The following ANO2 variants were observed in gnomAD, a reference collection of about 807,000 sequenced individuals.
The protein encoded by ANO2 is anoctamin 2.
Under a neutral mutation model 124.2 loss-of-function variants are expected in ANO2, and 101 were observed. The ratio of observed to expected loss-of-function variants is 0.81; its 90% CI spans 0.69 to 0.96. The LOEUF (loss-of-function observed/expected upper bound fraction) is 0.96, where lower values mean the gene tolerates loss of function less well. Ranked by LOEUF, ANO2 falls within the 40% of genes least tolerant of loss-of-function variation. The pLI is 0.00. For synonymous variants in ANO2, 486 were observed against 482.5 expected (o/e 1.01, Z -0.09); for missense variants, 1,293 against 1,274.5 (o/e 1.01, Z -0.22).
intron 10 of ANO2, among the ~76,000 whole-genome samples, chr12:5,798,915 A>G (rs1189868764): frequency 6.6e-6 from 1 of 152,242 alleles, no homozygotes; most frequent in Non-Finnish European, 1.5e-5. Context: ...CCAGTAAGTT[A>G]TTTCCAAGGA....
intron 3 of ANO2, among the ~76,000 whole-genome samples, chr12:5,854,348 T>C (rs1203714780): frequency 2.4e-5 from 3 of 124,288 alleles, no homozygotes; most frequent in East Asian, 2.2e-4. Flanking sequence ...TCGAAAACAG[T>C]AGGATAGTGT....
At chr12:5,674,770 CAG>C (rs1948160458) in intron 14 of ANO2, among the ~76,000 whole-genome samples, 1 of 152,214 alleles carries the variant, frequency 6.6e-6, no homozygotes, top group South Asian at 2.1e-4. Context: ...CTCTAAGCCT[CAG>C]TTTCCACATC....
chr12:5,603,959 A>AAAG (rs1944082182), intron 19 of ANO2, among the ~76,000 whole-genome samples: 2 of 150,748 alleles, frequency 1.3e-5, no homozygotes, highest in African/African-American at 2.4e-5. Flanking sequence ...AAAAAAAAAA[A>AAAG]AAAAAAGAAA....
intron 3 of ANO2, among the ~76,000 whole-genome samples, chr12:5,916,046 G>A (rs1336313514): frequency 6.6e-6 from 1 of 152,194 alleles, no homozygotes; most frequent in Non-Finnish European, 1.5e-5. Context: ...GGAGGCTGAG[G>A]TGGGTGGATC....
chr12:5,727,417 C>A (rs974696003), intron 14 of ANO2, among the ~76,000 whole-genome samples: 1 of 151,958 alleles, frequency 6.6e-6, no homozygotes, highest in Middle Eastern at 3.4e-3. Context: ...GCCAATTAAA[C>A]CTCTCTTTTT....
chr12:5,777,441 G>A (rs1467666735), intron 10 of ANO2, among the ~76,000 whole-genome samples: 1 of 152,156 alleles, frequency 6.6e-6, no homozygotes, highest in Non-Finnish European at 1.5e-5. Context: ...GTGTCCCCAT[G>A]TGAACTTGGT....
intron 10 of ANO2, among the ~76,000 whole-genome samples, chr12:5,770,749 AG>A (rs1364078967): frequency 7.2e-5 from 11 of 152,210 alleles, no homozygotes; most frequent in African/African-American, 2.7e-4. Flanking sequence ...TATCACAGGT[AG>A]AAGAAAACCC....
intron 1 of ANO2, among the ~76,000 whole-genome samples, chr12:5,938,741 C>T (rs915712871): frequency 1.3e-5 from 2 of 151,944 alleles, no homozygotes; most frequent in Admixed American, 6.5e-5. Context: ...AGGAGAATTG[C>T]TTGAACCCGG....
chr12:5,615,129 A>C, intron 17 of ANO2, 57 bp downstream of exon 17: 2 of 1,420,018 alleles, frequency 1.4e-6, no homozygotes, highest in Non-Finnish European at 2.0e-6. Context: ...TCCTGACAGT[A>C]GAGAACCCAG....
intron 14 of ANO2, among the ~76,000 whole-genome samples, chr12:5,731,194 G>A (rs958823812): frequency 6.6e-6 from 1 of 152,218 alleles, no homozygotes; most frequent in South Asian, 2.1e-4. Flanking sequence ...GAAGCTGACA[G>A]AACACAGAAT....
At chr12:5,616,560 C>A (rs1160732463) in intron 16 of ANO2, among the ~76,000 whole-genome samples, 2 of 152,134 alleles carry the variant, frequency 1.3e-5, no homozygotes, top group Non-Finnish European at 2.9e-5. Flanking sequence ...ATCATATGGA[C>A]CAAGAAGCAC....
chr12:5,819,240 C>T (rs370031229), intron 7 of ANO2, among the ~76,000 whole-genome samples: 2 of 152,130 alleles, frequency 1.3e-5, no homozygotes, highest in Non-Finnish European at 2.9e-5. Flanking sequence ...TAGACTGAAG[C>T]CCCAGTGGGC....
chr12:5,828,584 C>G (rs922314148), intron 6 of ANO2, among the ~76,000 whole-genome samples: 1 of 152,194 alleles, frequency 6.6e-6, no homozygotes, highest in Non-Finnish European at 1.5e-5. Context: ...AGAGCACAGT[C>G]CTAGGCACAC....
intron 3 of ANO2, among the ~76,000 whole-genome samples, chr12:5,871,440 A>G (rs189684332): frequency 2.0e-5 from 3 of 152,298 alleles, no homozygotes; most frequent in African/African-American, 7.2e-5. Flanking sequence ...GGGGTTCCCA[A>G]ACTGGTACCA....
At position 5,604,113 on chromosome 12, in the gene ANO2, T is replaced by G. The variant is rs1253298076; in HGVS notation, c.2088-4484A>C. Among the ~76,000 whole-genome samples the G allele has an allele frequency of 2.0e-5, 3 of 152,008 alleles. No homozygotes were observed. In the East Asian group the frequency reaches 5.8e-4, roughly 29 times the overall value. On this transcript the variant is annotated intron_variant, in intron 19 of 24. Transcript: ENST00000682330. ...CGGACATGAAGGGAAGTAGATATAT[T>G]TGAGACATGCATAAGAGGTAGAATT... is the stretch of plus-strand genomic sequence containing the variant.
At chr12:5,744,359 A>C in intron 11 of ANO2, 42 bp from the exon 12 acceptor site, 1 of 1,609,334 alleles carries the variant, frequency 6.2e-7, no homozygotes, top group Non-Finnish European at 8.5e-7. Flanking sequence ...GAGCTCAAGC[A>C]TGGTCCACTC....
chr12:5,811,548 C>G (rs762336951), intron 7 of ANO2, among the ~76,000 whole-genome samples: 3 of 152,056 alleles, frequency 2.0e-5, no homozygotes, highest in African/African-American at 4.8e-5. Context: ...AAAATGTCCA[C>G]GAAAATATAG....
intron 16 of ANO2, among the ~76,000 whole-genome samples, chr12:5,628,407 T>C (rs1164596477): frequency 6.6e-6 from 1 of 152,178 alleles, no homozygotes; most frequent in African/African-American, 2.4e-5. Context: ...CCCAATAAAT[T>C]TAAACTTTTC....
At chr12:5,893,298 T>C (rs796471767) in intron 3 of ANO2, among the ~76,000 whole-genome samples, 15 of 152,046 alleles carry the variant, frequency 9.9e-5, no homozygotes, top group Non-Finnish European at 1.5e-4. Context: ...GCAGAGTAAA[T>C]AGACAACATA....
Sources: allele counts gnomAD v4.1 joint callset (sites outside exome capture counted in the v4.1 genomes callset), GRCh38; gene constraint gnomAD v4.1.1; transcripts MANE v1.5; gene names NCBI Gene and HGNC (gene_info 2026-07-23, HGNC 2026-07-21).